RPH3A: variants seen among roughly 807,000 people sequenced by gnomAD.
The protein encoded by RPH3A is rabphilin 3A.
In RPH3A, 48 loss-of-function variants were observed where a neutral mutation model predicts 102.2. That is an observed-to-expected ratio of 0.47 (90% CI 0.37 to 0.60). The LOEUF is 0.60. RPH3A is among the 20% of genes least tolerant of loss of function. The probability of loss-of-function intolerance (pLI) is 0.00; values close to 1 mark genes in which losing one functional copy is unlikely to be tolerated. For missense variants in RPH3A, 781 were observed against 910.1 expected, an observed-to-expected ratio of 0.86 and a Z score of 1.83; for synonymous variants, 310 against 324.3, an observed-to-expected ratio of 0.96 and a Z score of 0.47.
chr12:112,725,640 T>A (rs1277963290), intron 1 of RPH3A, among the ~76,000 whole-genome samples: 1 of 152,242 alleles, frequency 6.6e-6, no homozygotes, highest in Non-Finnish European at 1.5e-5. Context: ...AATCAGAGGT[T>A]GGTGTTCTTC....
intron 1 of RPH3A, among the ~76,000 whole-genome samples, chr12:112,783,226 G>C (rs1397092871): frequency 6.6e-6 from 1 of 152,194 alleles, no homozygotes; most frequent in Non-Finnish European, 1.5e-5. Context: ...CCTTGGAGGA[G>C]AGAAACTCCC....
At chr12:112,733,498 C>A (rs1399047144) in intron 1 of RPH3A, among the ~76,000 whole-genome samples, 2 of 152,110 alleles carry the variant, frequency 1.3e-5, no homozygotes, top group Admixed American at 6.6e-5. Context: ...GTGATGCAGG[C>A]TTGAAGTGTT....
intron 7 of RPH3A, among the ~76,000 whole-genome samples, chr12:112,867,191 C>T (rs2042626608): frequency 6.6e-6 from 1 of 151,694 alleles, no homozygotes; most frequent in Admixed American, 6.6e-5. Context: ...TGTTTGAGCC[C>T]TTTTCTTCCT....
chr12:112,890,554 G>A (rs1473732803), intron 18 of RPH3A, among the ~76,000 whole-genome samples: 1 of 152,194 alleles, frequency 6.6e-6, no homozygotes. Context: ...GCTCAGTCCT[G>A]GGTTAGAGCC....
At chr12:112,882,253 A>C (rs1045318159) in intron 15 of RPH3A, among the ~76,000 whole-genome samples, 5 of 152,108 alleles carry the variant, frequency 3.3e-5, no homozygotes, top group African/African-American at 1.2e-4. Context: ...TTTAGGACTA[A>C]GCACTTTGGA....
intron 1 of RPH3A, among the ~76,000 whole-genome samples, chr12:112,739,670 T>C (rs940475026): frequency 6.6e-5 from 10 of 152,248 alleles, no homozygotes; most frequent in African/African-American, 2.4e-4. Context: ...CGTCCTGGTC[T>C]TGGCCTTATT....
At chr12:112,700,727 C>A (rs754091133) in intron 1 of RPH3A, among the ~76,000 whole-genome samples, 21 of 152,224 alleles carry the variant, frequency 1.4e-4, no homozygotes, top group Non-Finnish European at 2.8e-4. Context: ...TCAGCAGATT[C>A]TCTTGGCTTT....
chr12:112,608,291 T>A (rs2039614065), intron 1 of RPH3A, among the ~76,000 whole-genome samples: 1 of 151,780 alleles, frequency 6.6e-6, no homozygotes, highest in Non-Finnish European at 1.5e-5. Context: ...ATTTTTTGTA[T>A]TTTTAGTAGA....
intron 1 of RPH3A, among the ~76,000 whole-genome samples, chr12:112,673,538 TA>T (rs200882591): frequency 0.025 from 3,652 of 143,984 alleles, 136 homozygotes; most frequent in African/African-American, 0.081. Flanking sequence ...TTTTAAAAAC[TA>T]AAAAAAAAAA....
At chr12:112,792,404 T>A (rs151190986) in intron 2 of RPH3A, 141 bp downstream of exon 2, 59 of 152,384 alleles carry the variant, frequency 3.9e-4, no homozygotes, top group African/African-American at 1.3e-3. Flanking sequence ...TTTGCCTACA[T>A]CCTGCAGTGT....
chr12:112,818,343 A>C (rs2041717252), intron 2 of RPH3A, among the ~76,000 whole-genome samples: 1 of 147,340 alleles, frequency 6.8e-6, no homozygotes, highest in Non-Finnish European at 1.5e-5. Context: ...AAGGGTGGAG[A>C]GGGGACATAT....
At chr12:112,738,606 G>A (rs946781172) in intron 1 of RPH3A, among the ~76,000 whole-genome samples, 27 of 152,072 alleles carry the variant, frequency 1.8e-4, no homozygotes, top group East Asian at 3.8e-4. Flanking sequence ...AGAAGGGGGC[G>A]GGAAGGGTCC....
chr12:112,598,945 G>T (rs1178285690), intron 1 of RPH3A, among the ~76,000 whole-genome samples: 1 of 152,178 alleles, frequency 6.6e-6, no homozygotes, highest in Non-Finnish European at 1.5e-5. Context: ...TGCAGACTAT[G>T]ATTTTTTTAG....
chr12:112,643,905 C>T (rs1041402012), intron 1 of RPH3A, among the ~76,000 whole-genome samples: 2 of 152,170 alleles, frequency 1.3e-5, no homozygotes, highest in African/African-American at 2.4e-5. Flanking sequence ...GCTAAGTGTC[C>T]ATCAACAGAT....
chr12:112,784,615 G>C (rs1257058573), intron 1 of RPH3A, among the ~76,000 whole-genome samples: 1 of 152,190 alleles, frequency 6.6e-6, no homozygotes, highest in Non-Finnish European at 1.5e-5. Flanking sequence ...CCAGGCATCA[G>C]ATTTGTTCTG....
At chr12:112,753,682 A>C (rs2040801169) in intron 1 of RPH3A, among the ~76,000 whole-genome samples, 1 of 152,190 alleles carries the variant, frequency 6.6e-6, no homozygotes, top group South Asian at 2.1e-4. Context: ...TAAGTCCCAG[A>C]TTTTTCAGAG....
At chr12:112,853,471 G>T (rs960670811) in intron 5 of RPH3A, among the ~76,000 whole-genome samples, 3 of 152,172 alleles carry the variant, frequency 2.0e-5, no homozygotes, top group Admixed American at 1.3e-4. Flanking sequence ...TTTTCTCAGG[G>T]ATTGGACCAG....
intron 1 of RPH3A, among the ~76,000 whole-genome samples, chr12:112,737,494 T>A (rs1274817785): frequency 1.3e-5 from 2 of 152,170 alleles, no homozygotes; most frequent in Non-Finnish European, 2.9e-5. Flanking sequence ...AGCTCCCAAA[T>A]GGATCTTCCC....
At chr12:112,608,088 A>C (rs529371203) in intron 1 of RPH3A, among the ~76,000 whole-genome samples, 41 of 147,444 alleles carry the variant, frequency 2.8e-4, no homozygotes, top group Non-Finnish European at 6.0e-4. Flanking sequence ...CTCATCTTTT[A>C]TATCTTTCCC....
Sources: allele counts gnomAD v4.1 joint callset (sites outside exome capture counted in the v4.1 genomes callset), GRCh38; gene constraint gnomAD v4.1.1; transcripts MANE v1.5; gene names NCBI Gene and HGNC (gene_info 2026-07-23, HGNC 2026-07-21).